KLF13: variants seen among roughly 807,000 people sequenced by gnomAD.
The protein encoded by KLF13 is KLF transcription factor 13.
KLF13 carries 8 observed loss-of-function variants against 16.7 expected under a neutral mutation model. That is an observed-to-expected ratio of 0.48 (90% CI 0.28 to 0.87). KLF13 has a LOEUF of 0.87. Ranked by LOEUF, KLF13 falls within the 40% of genes least tolerant of loss-of-function variation. KLF13 has a pLI of 0.10. For synonymous variants in KLF13, 245 were observed against 208.4 expected (o/e 1.18, Z -1.51); for missense variants, 447 against 452.2 (o/e 0.99, Z 0.10).
chr15:31,379,897 G>A (rs897515577), downstream of KLF13, among the ~76,000 whole-genome samples: 4 of 152,192 alleles, frequency 2.6e-5, no homozygotes, highest in Admixed American at 2.6e-4. Flanking sequence ...TGCTGTGTCT[G>A]GCTGCATAGT....
At chr15:31,390,336 TG>T (rs1270249755), upstream of KLF13, among the ~76,000 whole-genome samples, 1 of 152,218 alleles carries the variant, frequency 6.6e-6, no homozygotes, top group Non-Finnish European at 1.5e-5. Flanking sequence ...CATGGGACGA[TG>T]GGTTTCTGCT....
upstream of KLF13, among the ~76,000 whole-genome samples, chr15:31,392,654 G>T (rs1052487911): frequency 3.9e-5 from 6 of 152,220 alleles, no homozygotes; most frequent in Admixed American, 3.9e-4. Context: ...TAGCTCGGAG[G>T]AAGGAGCCAG....
chr15:31,405,765 A>C (rs1398018794), downstream of KLF13, among the ~76,000 whole-genome samples: 1 of 152,180 alleles, frequency 6.6e-6, no homozygotes, highest in Non-Finnish European at 1.5e-5. Context: ...CCGGAACCAC[A>C]AAGGGGACCC....
chr15:31,328,810 T>C (rs1483863117), intron 1 of KLF13, among the ~76,000 whole-genome samples: 1 of 152,226 alleles, frequency 6.6e-6, no homozygotes, highest in East Asian at 1.9e-4. Flanking sequence ...TTCCCCATTT[T>C]GGTGTAAAGA....
upstream of KLF13, among the ~76,000 whole-genome samples, chr15:31,388,030 C>T (rs974775395): frequency 2.0e-5 from 3 of 152,182 alleles, no homozygotes; most frequent in Non-Finnish European, 4.4e-5. Flanking sequence ...GCCTTTAAAA[C>T]AAGAACAGGT....
chr15:31,352,508 C>G (rs2039232755), intron 1 of KLF13, among the ~76,000 whole-genome samples: 1 of 152,246 alleles, frequency 6.6e-6, no homozygotes, highest in Admixed American at 6.5e-5. Flanking sequence ...CCAGCAGCCT[C>G]AGCAGCTGCT....
At chr15:31,380,377 C>T (rs8033248), downstream of KLF13, among the ~76,000 whole-genome samples, 62,970 of 152,076 alleles carry the variant, frequency 0.41, 13,106 homozygotes, top group South Asian at 0.47. Context: ...TGGAGGCATT[C>T]AAGCAGGGGC....
chr15:31,391,958 G>C (rs2140983457), upstream of KLF13, among the ~76,000 whole-genome samples: 2 of 152,228 alleles, frequency 1.3e-5, no homozygotes, highest in East Asian at 3.9e-4. Context: ...GAGGGCAGCC[G>C]GGACGGCTGG....
intron 1 of KLF13, among the ~76,000 whole-genome samples, chr15:31,359,902 G>T (rs1334788881): frequency 6.6e-6 from 1 of 152,198 alleles, no homozygotes; most frequent in Non-Finnish European, 1.5e-5. Context: ...TGACACCAAG[G>T]AGCGCTGAGC....
rs528814751 is a variant in KLF13, at chr15:31,367,990, C to T, written c.578-4020C>T. On this transcript the variant is annotated intron_variant, in intron 1 of 1. Transcript: ENST00000307145. ...CTCTGAGGGAGAATCCACTCCATAC[C>T]TCCCCTTCCTTCCCCTGCCCCCTTT... Among the ~76,000 whole-genome samples the T allele has an allele frequency of 1.2e-4, 18 of 152,144 alleles. No homozygotes were observed. In the South Asian group the frequency reaches 3.5e-3, roughly 30 times the overall value.
rs186231401 is a variant in KLF13 at position 31,398,773 on chromosome 15, G to A, written n.530-4655G>A. On this transcript the variant is annotated intron_variant and non_coding_transcript_variant, in intron 2 of 2. Transcript: ENST00000500533. ...GAAGCAGGAAGAGTCAACCATGCAC[G>A]GTGCCCTCCTCCCTCTCCCCCAGGG... Among the ~76,000 whole-genome samples the A allele has an allele frequency of 9.2e-5, 14 of 152,242 alleles. No individual in the cohort carries two copies. The East Asian group carries it at 1.4e-3, about 15-fold the overall frequency.
Position 31,372,102 on chromosome 15 carries a change from G to A in KLF13, c.670G>A (p.Glu224Lys). Residue 224 changes from glutamate (E) to lysine (K), a missense_variant, in exon 2 of 2, where the codon GAG (glutamate) becomes AAG (lysine). By Grantham distance (56) the Glu-to-Lys change is moderately conservative (BLOSUM62 1). This residue lies in a region of KLF13 where 88 missense variants were observed against 169.5 expected (regional missense o/e 0.52). Coordinates refer to ENST00000307145, the MANE Select transcript of KLF13 (RefSeq NM_015995.4). ...LARHYRTHTG[E>K]KKFSCPICEK... ...GCGGCACTACCGCACACACACGGGC[G>A]AGAAGAAGTTCAGCTGCCCCATCTG... 2 of 1,613,012 alleles carry A rather than the reference G, an allele frequency of 1.2e-6. No homozygotes were observed. The highest frequency in any genetic ancestry group is 1.7e-6 in the Non-Finnish European group (2 of 1,179,958).
downstream of KLF13, among the ~76,000 whole-genome samples, chr15:31,406,527 G>GA (rs1240139381): frequency 2.0e-5 from 3 of 152,094 alleles, no homozygotes; most frequent in African/African-American, 7.2e-5. Flanking sequence ...GGAATGAACA[G>GA]AAAAAAAGAA....
At chr15:31,366,934 G>A (rs1166727151) in intron 1 of KLF13, among the ~76,000 whole-genome samples, 1 of 152,246 alleles carries the variant, frequency 6.6e-6, no homozygotes, top group Non-Finnish European at 1.5e-5. Flanking sequence ...GTAGGCTATT[G>A]CAGATGCTAC....
At chr15:31,400,913 C>T (rs1011667543) in intron 2 of KLF13, among the ~76,000 whole-genome samples, 1 of 152,080 alleles carries the variant, frequency 6.6e-6, no homozygotes, top group African/African-American at 2.4e-5. Flanking sequence ...GGTTTGAGCA[C>T]CTGGAAGCGT....
chr15:31,423,095 A>ACATACGTATATG (rs2040349420), intron 1 of KLF13, among the ~76,000 whole-genome samples: 1 of 139,430 alleles, frequency 7.2e-6, no homozygotes, highest in Non-Finnish European at 1.5e-5. Context: ...ATATACGTAT[A>ACATACGTATATG]TATACGTATA....
chr15:31,369,291 C>T (rs533291225), intron 1 of KLF13, among the ~76,000 whole-genome samples: 67 of 152,306 alleles, frequency 4.4e-4, no homozygotes, highest in African/African-American at 1.5e-3. Context: ...ACAACTAGTG[C>T]TAAGGTTAGC....
intron 1 of KLF13, chr15:31,420,367 G>A: frequency 8.8e-7 from 1 of 1,131,592 alleles, no homozygotes; most frequent in Admixed American, 1.8e-5. Context: ...TGAGGTATAA[G>A]CTCTTGCTAG....
intron 1 of KLF13, among the ~76,000 whole-genome samples, chr15:31,352,549 G>A (rs542801241): frequency 6.6e-6 from 1 of 152,310 alleles, no homozygotes; most frequent in African/African-American, 2.4e-5. Flanking sequence ...GTGCCACTTG[G>A]TGTGCCTCTG....
Sources: allele counts gnomAD v4.1 joint callset (sites outside exome capture counted in the v4.1 genomes callset), GRCh38; gene constraint gnomAD v4.1.1; regional missense constraint gnomAD v4.1.1; transcripts MANE v1.5; gene names NCBI Gene and HGNC (gene_info 2026-07-23, HGNC 2026-07-21).